The following CD276 variants were observed in gnomAD, a reference collection of about 807,000 sequenced individuals.
CD276 encodes the protein CD276 molecule, also known as CD276 antigen.
In CD276, 34 loss-of-function variants were observed where a neutral mutation model predicts 50.0. The observed-to-expected ratio is 0.68, with a 90% CI of 0.52 to 0.91. CD276 has a LOEUF of 0.91. Among genes scored for constraint, CD276 ranks in the 40% least tolerant of loss-of-function variants. The probability of loss-of-function intolerance (pLI) is 0.00; values close to 1 mark genes in which losing one functional copy is unlikely to be tolerated. For missense variants in CD276, 634 were observed against 717.5 expected, an observed-to-expected ratio of 0.88 and a Z score of 1.33; for synonymous variants, 275 against 313.0, an observed-to-expected ratio of 0.88 and a Z score of 1.28.
At chr15:73,711,373 A>G in intron 9 of CD276, 1 of 585,652 alleles carries the variant, frequency 1.7e-6, no homozygotes, top group Non-Finnish European at 3.1e-6. Context: ...AATACGACAG[A>G]GGCTTAAGCA....
At position 73,702,335 on chromosome 15, in the gene CD276, C is replaced by G. The variant is rs1435172384; in HGVS notation, c.160C>G (p.Pro54Ala). The G allele has an allele frequency of 5.0e-6, 8 of 1,613,578 alleles. No individual in the cohort carries two copies. Among genetic ancestry groups the G allele is most frequent in the Non-Finnish European group, 6.8e-6 (8 of 1,180,016 alleles). ...TDATLCCSFS[P>A]EPGFSLAQLN... is the part of the protein sequence containing the mutation. The stretch of plus-strand genomic sequence containing the variant: ...TGCCACCCTGTGCTGCTCCTTCTCC[C>G]CTGAGCCTGGCTTCAGCCTGGCACA... Residue 54 changes from proline (P) to alanine (A), a missense_variant, in exon 3 of 10, where the codon CCT becomes GCT. Transcript: ENST00000318443.
intron 1 of CD276, among the ~76,000 whole-genome samples, chr15:73,697,206 C>G (rs1159346559): frequency 6.6e-6 from 1 of 152,138 alleles, no homozygotes; most frequent in African/African-American, 2.4e-5. Flanking sequence ...GCTGACTCAG[C>G]AGGCAGTAAG....
chr15:73,708,621 T>C (rs1017600653), intron 7 of CD276, 148 bp downstream of exon 7: 1 of 887,870 alleles, frequency 1.1e-6, no homozygotes, highest in East Asian at 2.7e-5. Flanking sequence ...GTGTGTGACC[T>C]TGAGTCTACG....
chr15:73,692,522 AT>A (rs1900023733), intron 1 of CD276, among the ~76,000 whole-genome samples: 5 of 152,242 alleles, frequency 3.3e-5, no homozygotes, highest in Admixed American at 2.6e-4. Flanking sequence ...ATGAGTTAAT[AT>A]GTGTAAAAGC....
chr15:73,686,370 C>G (rs1402162046), intron 1 of CD276: 15 of 846,984 alleles, frequency 1.8e-5, no homozygotes, highest in Non-Finnish European at 2.1e-5. Context: ...ACCCTGTTTT[C>G]CTTCCTGTCC....
Position 73,708,355 on chromosome 15 carries a change from C to A in CD276, c.1386C>A (p.Phe462Leu). 1 of 1,614,000 alleles carries A rather than the reference C, an allele frequency of 6.2e-7. No individual in the cohort carries two copies. Among genetic ancestry groups the A allele is most frequent in the Non-Finnish European group, 8.5e-7 (1 of 1,179,948 alleles). Residue 462 changes from phenylalanine (F) to leucine (L), a missense_variant, in exon 7 of 10, where the codon TTC becomes TTA. Coordinates refer to ENST00000318443, the MANE Select transcript of CD276 (RefSeq NM_001024736.2). ...SVTITGQPMT[F>L]PPEALWVTVG... ...TCCTCTCAGGGCAGCCTATGACATT[C>A]CCCCCAGAGGCCCTGTGGGTGACCG...
At chr15:73,706,830 G>A (rs1900669287) in intron 6 of CD276, among the ~76,000 whole-genome samples, 1 of 152,206 alleles carries the variant, frequency 6.6e-6, no homozygotes, top group South Asian at 2.1e-4. Flanking sequence ...GGTGAACAGG[G>A]CAAATGTAAT....
intron 1 of CD276, among the ~76,000 whole-genome samples, chr15:73,699,079 A>G (rs1323249253): frequency 6.6e-6 from 1 of 152,166 alleles, no homozygotes; most frequent in African/African-American, 2.4e-5. Flanking sequence ...TAGCGGGTGG[A>G]GGTGCTGTCA....
At chr15:73,706,653 G>T (rs1203004998) in intron 6 of CD276, among the ~76,000 whole-genome samples, 1 of 152,136 alleles carries the variant, frequency 6.6e-6, no homozygotes, top group African/African-American at 2.4e-5. Flanking sequence ...ATTTTGCTTC[G>T]GGCAGCTTTG....
At chr15:73,709,446 G>A (rs994378681) in intron 7 of CD276, 8 of 572,006 alleles carry the variant, frequency 1.4e-5, no homozygotes, top group Non-Finnish European at 2.5e-5. Context: ...TGGGCTCCAG[G>A]CTGGGAGCCC....
intron 2 of CD276, among the ~76,000 whole-genome samples, chr15:73,700,472 G>C (rs936372848): frequency 6.6e-6 from 1 of 152,148 alleles, no homozygotes; most frequent in African/African-American, 2.4e-5. Flanking sequence ...CTCTACCCAC[G>C]GCTGCTCTGA....
chr15:73,713,668 TC>T lies in CD276; in HGVS notation c.*718del. ...GTGCACGTGCTGGAACACGTGTGGT[TC>T]CCCCCTGGCCCAGCCTCCTCTGCAG... On this transcript the variant is annotated 3_prime_UTR_variant, in exon 10 of 10. Coordinates refer to ENST00000318443, the MANE Select transcript of CD276 (RefSeq NM_001024736.2). The T allele has an allele frequency of 2.8e-5, 11 of 399,518 alleles. No homozygotes were observed. The highest frequency in any genetic ancestry group is 1.0e-4 in the East Asian group (1 of 9,878). The allele number at this position is 399,518 out of a possible 1,614,324, so 24.7% of individuals were successfully genotyped here.
rs1029633702 is a variant in CD276, at chr15:73,702,166, C to T, written c.80-89C>T. 46 of 1,070,760 alleles carry T rather than the reference C, an allele frequency of 4.3e-5. 1 individual carries two copies. The highest frequency in any genetic ancestry group is 5.1e-5 in the Non-Finnish European group (39 of 761,500). 66.3% of individuals were successfully genotyped at this position (1,070,760 alleles called of 1,614,324 possible). On this transcript the variant is annotated intron_variant, in intron 2 of 9. Transcript: ENST00000318443. The stretch of plus-strand genomic sequence containing the variant: ...GGCCTAAAAGGAGGGGTGGACAGGG[C>T]CTGGGGTTAGCAGGGGCAGGGAGCG...
Position 73,704,533 on chromosome 15 carries a change from T to C in CD276, c.1369+61T>C. 1 of 1,537,840 alleles carries C rather than the reference T, an allele frequency of 6.5e-7. No homozygotes were observed. The highest frequency in any genetic ancestry group is 8.8e-7 in the Non-Finnish European group (1 of 1,139,272). On this transcript the variant is annotated intron_variant, in intron 6 of 9. Transcript: ENST00000318443. This position sits in a 1 kb window ranked among gnomAD's most constrained non-coding sequence, Gnocchi z 4.1. ...GAGTAACTCCCTCTTTACTGGACCC[T>C]AACGTGGAATTTCCATAGGTTTGGG... is the stretch of plus-strand genomic sequence containing the variant.
chr15:73,708,535 T>C (rs1355017410), intron 7 of CD276, 62 bp downstream of exon 7: 6 of 1,534,140 alleles, frequency 3.9e-6, no homozygotes, highest in Non-Finnish European at 5.3e-6. Context: ...GGTATGTTGC[T>C]GTCTTTGATG....
chr15:73,706,255 A>C (rs1158861250), intron 6 of CD276, among the ~76,000 whole-genome samples: 1 of 152,212 alleles, frequency 6.6e-6, no homozygotes, highest in Admixed American at 6.5e-5. Context: ...GTCTCAAAAA[A>C]TAAATAAAAT....
chr15:73,709,763 C>A, intron 8 of CD276, 74 bp downstream of exon 8: 2 of 1,432,990 alleles, frequency 1.4e-6, no homozygotes, highest in Non-Finnish European at 1.9e-6. Flanking sequence ...ACTCTAGGAT[C>A]TGGAGGGGCC....
intron 1 of CD276, among the ~76,000 whole-genome samples, chr15:73,694,098 T>G (rs1900081271): frequency 6.6e-6 from 1 of 152,120 alleles, no homozygotes; most frequent in Non-Finnish European, 1.5e-5. Context: ...CATAGGACAT[T>G]TTGGTGTGGA....
At chr15:73,703,158 T>C in intron 4 of CD276, 72 bp downstream of exon 4, 5 of 1,485,680 alleles carry the variant, frequency 3.4e-6, no homozygotes, top group Non-Finnish European at 4.5e-6. Context: ...GAGCTCCGAA[T>C]CTGGCCCCAC....
Sources: allele counts gnomAD v4.1 joint callset (sites outside exome capture counted in the v4.1 genomes callset), GRCh38; gene constraint gnomAD v4.1.1; non-coding constraint Gnocchi (gnomAD v3.1); transcripts MANE v1.5; gene names NCBI Gene and HGNC (gene_info 2026-07-23, HGNC 2026-07-21).